The following DMXL2 variants were observed in gnomAD, a reference collection of about 807,000 sequenced individuals.
DMXL2 encodes Dmx like 2.
A neutral mutation model predicts 331.1 loss-of-function variants in DMXL2; 103 were observed. The observed-to-expected ratio is 0.31, with a 90% CI of 0.27 to 0.37. The LOEUF is 0.37. Among genes scored for constraint, DMXL2 ranks in the 10% least tolerant of loss-of-function variants. The probability of loss-of-function intolerance (pLI) is 1.00; values close to 1 mark genes in which losing one functional copy is unlikely to be tolerated. For synonymous variants in DMXL2, 1,281 were observed against 1,252.1 expected (o/e 1.02, Z -0.49); for missense variants, 3,171 against 3,642.9 (o/e 0.87, Z 3.33).
Position 51,498,802 on chromosome 15 carries a change from G to T in DMXL2, c.4422C>A (p.Ile1474=). ...PEDQYSELFQ[I]QDIPTDDIDL... is the part of the protein sequence containing the mutation. ...CAATATCATCCGTTGGTATATCCTG[G>T]ATTTGAAACAGCTCTGAATACTGAT... Residue 1474 remains isoleucine (I), a synonymous_variant, in exon 18 of 44, where the codon ATC becomes ATA. Transcript: ENST00000560891. The T allele has an allele frequency of 6.2e-7, 1 of 1,614,126 alleles. No homozygotes were observed.
chr15:51,472,503 A>G (rs2041209479), intron 28 of DMXL2, among the ~76,000 whole-genome samples: 1 of 152,180 alleles, frequency 6.6e-6, no homozygotes, highest in Non-Finnish European at 1.5e-5. Flanking sequence ...AGGAAACACT[A>G]TACCAAATAA....
intron 1 of DMXL2, among the ~76,000 whole-genome samples, chr15:51,605,448 G>C (rs1002107455): frequency 5.4e-5 from 8 of 147,888 alleles, no homozygotes; most frequent in Admixed American, 4.1e-4. Flanking sequence ...TGATCTGCCT[G>C]CTTTGGCCTT....
intron 1 of DMXL2, among the ~76,000 whole-genome samples, chr15:51,596,634 C>T (rs1304416411): frequency 3.9e-5 from 6 of 152,202 alleles, no homozygotes; most frequent in African/African-American, 1.2e-4. Context: ...ATGTTTACTG[C>T]GGCACTGTTC....
chr15:51,585,463 G>A (rs1343460447), intron 1 of DMXL2, among the ~76,000 whole-genome samples: 1 of 151,934 alleles, frequency 6.6e-6, no homozygotes, highest in Non-Finnish European at 1.5e-5. Flanking sequence ...TCATGTTGTG[G>A]CTTTGCCATA....
chr15:51,609,930 TAAAAA>T (rs35412082), intron 1 of DMXL2, among the ~76,000 whole-genome samples: 1 of 100,092 alleles, frequency 1.0e-5, no homozygotes, highest in Admixed American at 1.0e-4. Flanking sequence ...AAGTCAGTCT[TAAAAA>T]AAAAAAAAAA....
chr15:51,619,541 T>C (rs1338482711), intron 1 of DMXL2, among the ~76,000 whole-genome samples: 3 of 152,160 alleles, frequency 2.0e-5, no homozygotes, highest in Non-Finnish European at 4.4e-5. Context: ...CGACATCAAG[T>C]AGTCATTCAC....
In DMXL2 at chr15:51,622,473, C is replaced by G. The variant is rs931705040; in HGVS notation, c.73G>C (p.Asp25His). ...DNCYSVGSVG[D>H]VPFTAYGSGC... ...CCGCCGCTCACCGTGAAGGGGACAT[C>G]CCCGACGCTGCCCACGGAGTAGCAG... Residue 25 changes from aspartate (D) to histidine (H), a missense_variant, in exon 1 of 44, where the codon GAT becomes CAT. Coordinates refer to ENST00000560891, the MANE Select transcript of DMXL2 (RefSeq NM_001378457.1). 2.6e-6 allele frequency: 4 copies of G among 1,565,974 alleles called. No homozygotes were observed. The highest frequency in any genetic ancestry group is 1.2e-5 in the South Asian group (1 of 85,204).
chr15:51,515,184 C>T (rs1298095740), intron 14 of DMXL2, among the ~76,000 whole-genome samples: 1 of 152,112 alleles, frequency 6.6e-6, no homozygotes, highest in African/African-American at 2.4e-5. Context: ...CTGCTATGCT[C>T]CATGACCATG....
chr15:51,457,517 C>T, intron 36 of DMXL2, 51 bp from the exon 37 acceptor site: 3 of 1,590,202 alleles, frequency 1.9e-6, no homozygotes, highest in Non-Finnish European at 2.6e-6. Flanking sequence ...TCTCTTAACA[C>T]AAATTCCAAC....
intron 35 of DMXL2, 41 bp from the exon 36 acceptor site, chr15:51,458,668 C>T (rs1301961037): frequency 1.2e-6 from 2 of 1,613,806 alleles, no homozygotes; most frequent in Admixed American, 1.7e-5. Context: ...AGCAATTTCA[C>T]TAAGGAGAAA....
At chr15:51,538,104 A>T in intron 10 of DMXL2, 109 bp downstream of exon 10, 2 of 1,368,286 alleles carry the variant, frequency 1.5e-6, no homozygotes, top group South Asian at 2.8e-5. Context: ...TGTAACAAAT[A>T]GAAAAGTAAA....
intron 1 of DMXL2, among the ~76,000 whole-genome samples, chr15:51,612,173 A>C (rs971395502): frequency 1.3e-5 from 2 of 152,248 alleles, no homozygotes; most frequent in African/African-American, 4.8e-5. Context: ...TAATTTGTAA[A>C]GCAGACTTAA....
In DMXL2 at chr15:51,552,327, C is replaced by T. The variant is rs181334655; in HGVS notation, c.568-4919G>A. ...GACCAATCAGAGGATGTTTGCAGGA[C>T]ATCACTTAAGAGACTACTGTAAAGG... On this transcript the variant is annotated intron_variant, in intron 6 of 43. Coordinates refer to ENST00000560891, the MANE Select transcript of DMXL2 (RefSeq NM_001378457.1). Among the ~76,000 whole-genome samples the T allele has an allele frequency of 2.6e-5, 4 of 152,266 alleles. No individual in the cohort carries two copies. In the East Asian group the frequency reaches 7.7e-4, roughly 29 times the overall value.
At chr15:51,611,050 AG>A (rs1366403376) in intron 1 of DMXL2, among the ~76,000 whole-genome samples, 1 of 152,142 alleles carries the variant, frequency 6.6e-6, no homozygotes, top group Non-Finnish European at 1.5e-5. Context: ...AAATGAGCTA[AG>A]CATTTAGCTC....
chr15:51,455,042 AATC>A (rs2039501395), intron 40 of DMXL2, 106 bp downstream of exon 40: 4 of 893,324 alleles, frequency 4.5e-6, no homozygotes, highest in African/African-American at 1.7e-5. Context: ...TGCTGAAAAA[AATC>A]ATCCTTTTCC....
intron 25 of DMXL2, 124 bp from the exon 26 acceptor site, chr15:51,478,471 G>C (rs1199001177): frequency 2.7e-6 from 2 of 739,494 alleles, no homozygotes; most frequent in Non-Finnish European, 4.5e-6. Flanking sequence ...TCCTAGATGA[G>C]ACTACTAACT....
chr15:51,477,107 C>G (rs563604939), intron 26 of DMXL2, among the ~76,000 whole-genome samples: 1 of 152,108 alleles, frequency 6.6e-6, no homozygotes, highest in South Asian at 2.1e-4. Context: ...GGTTGCATTT[C>G]TTTTCTCTGC....
rs147852137 is a variant in DMXL2, at chr15:51,491,599, C to T, written c.4932G>A (p.Thr1644=). The change falls in exon 20 of 44, where the codon ACG becomes ACA. Residue 1644 remains threonine, a synonymous_variant. Transcript: ENST00000560891. ...GIGWWVRNIN[T]LRRCIEKVAK... is the part of the protein sequence containing the mutation. ...TTACCTTTTCAATGCATCTTCGAAG[C>T]GTGTTAATGTTCCTCACCCACCATC... is the stretch of plus-strand genomic sequence containing the variant. 1.9e-5 allele frequency: 31 copies of T among 1,602,156 alleles called. No individual in the cohort carries two copies. The highest frequency in any genetic ancestry group is 2.7e-5 in the African/African-American group (2 of 74,092).
intron 13 of DMXL2, among the ~76,000 whole-genome samples, chr15:51,531,816 A>G (rs973858255): frequency 2.6e-5 from 4 of 152,188 alleles, no homozygotes; most frequent in African/African-American, 4.8e-5. Flanking sequence ...TCAAAACTAC[A>G]ATAAGATATC....
Sources: gnomAD v4.1 joint callset for allele counts (sites outside exome capture counted in the v4.1 genomes callset) on GRCh38, gnomAD v4.1.1 for gene constraint, MANE v1.5 for transcripts, NCBI Gene and HGNC (gene_info 2026-07-23, HGNC 2026-07-21) for gene names.